The following PKD1 variants were observed in gnomAD, a reference collection of about 807,000 sequenced individuals.
PKD1 encodes polycystin-1.
In PKD1, 81 loss-of-function variants were observed where a neutral mutation model predicts 361.7. That is an observed-to-expected ratio of 0.22 (90% CI 0.19 to 0.27). The LOEUF is 0.27. Among genes scored for constraint, PKD1 ranks in the 10% least tolerant of loss-of-function variants. The probability of loss-of-function intolerance (pLI) is 1.00; values close to 1 mark genes in which losing one functional copy is unlikely to be tolerated. For synonymous variants in PKD1, 3,615 were observed against 2,818.3 expected (o/e 1.28, Z -8.95); for missense variants, 6,399 against 6,118.3 (o/e 1.05, Z -1.53).
chr16:2,128,669 C>G (rs987129800), intron 1 of PKD1, among the ~76,000 whole-genome samples: 1 of 152,176 alleles, frequency 6.6e-6, no homozygotes, highest in African/African-American at 2.4e-5. Flanking sequence ...GCGCGGAGCC[C>G]GGCGTGGCCA....
chr16:2,107,156 G>A (rs1212049414), intron 16 of PKD1: 3 of 639,312 alleles, frequency 4.7e-6, no homozygotes, highest in Admixed American at 2.1e-5. Context: ...GAGGACACTG[G>A]AGTGTGCGTT....
chr16:2,115,653 C>T, intron 9 of PKD1, 28 bp from the exon 10 acceptor site: 1 of 1,592,238 alleles, frequency 6.3e-7, no homozygotes, highest in Non-Finnish European at 8.5e-7. Context: ...TGTTGGGGCC[C>T]TGATTTGCCC....
rs779605081 is a variant in PKD1, at chr16:2,114,801, G to A, written c.2222C>T (p.Pro741Leu). ...PAPGHPGPRA[P>L]YLSANASSWL... ...TGACGAGGCGTTGGCGGAGAGGTACGGGGCCCGGGGACCAGGGTGGCCGGG... is the reference window on the plus strand; with the variant it reads ...TGACGAGGCGTTGGCGGAGAGGTACAGGGCCCGGGGACCAGGGTGGCCGGG... Residue 741 changes from proline (P) to leucine (L), a missense_variant, in exon 11 of 46, where the codon CCG becomes CTG. By Grantham distance (98) the Pro-to-Leu change is moderately conservative. Coordinates refer to ENST00000262304, the MANE Select transcript of PKD1 (RefSeq NM_001009944.3). 21 of 998,916 alleles carry A rather than the reference G, an allele frequency of 2.1e-5. No homozygotes were observed. Among genetic ancestry groups the A allele is most frequent in the East Asian group, 1.6e-4 (6 of 38,208 alleles). The allele number at this position is 998,916 out of a possible 1,614,324, so 61.9% of individuals were successfully genotyped here. A position where few individuals can be genotyped will look rare whatever the true frequency, so the allele number is the denominator to read the frequency against.
At chr16:2,107,814 G>A (rs1023120686) in intron 16 of PKD1, 69 bp downstream of exon 16, 51 of 1,467,342 alleles carry the variant, frequency 3.5e-5, no homozygotes, top group East Asian at 2.0e-4. Flanking sequence ...ACTAAAACAC[G>A]GAAAACAGTA....
rs570055768 is a variant in PKD1, at chr16:2,106,756, C to T, written c.7209+49G>A. ...CTTCTGCCTGCAGGCCCCGTCCCCT[C>T]GGCCATGGGACCCATCCCCAGCCCG... On this transcript the variant is annotated intron_variant, in intron 17 of 45. Transcript: ENST00000262304. This position sits in a 1 kb window ranked among gnomAD's most constrained non-coding sequence, Gnocchi z 6.5. The T allele has an allele frequency of 2.1e-5, 31 of 1,501,478 alleles. No homozygotes were observed. The highest frequency in any genetic ancestry group is 1.9e-4 in the Admixed American group (11 of 58,140). 93.0% of individuals were successfully genotyped at this position (1,501,478 alleles called of 1,614,324 possible).
At chr16:2,095,598 G>A (rs968025984) in intron 34 of PKD1, among the ~76,000 whole-genome samples, 27 of 152,198 alleles carry the variant, frequency 1.8e-4, no homozygotes, top group African/African-American at 4.8e-4. Flanking sequence ...AGGCTCAGGC[G>A]CAGGGAAGGC....
intron 1 of PKD1, among the ~76,000 whole-genome samples, chr16:2,124,404 C>T (rs547467347): frequency 2.0e-5 from 3 of 152,356 alleles, no homozygotes; most frequent in Non-Finnish European, 2.9e-5. Flanking sequence ...ACAGTTGGCG[C>T]GAGGGTGGGT....
At chr16:2,107,237 C>T (rs887130848) in intron 16 of PKD1, 35 of 496,536 alleles carry the variant, frequency 7.0e-5, no homozygotes, top group African/African-American at 3.3e-4. Context: ...TGGGGGGATG[C>T]GTGTGAGAAG....
chr16:2,119,055 G>A (rs1391153801), intron 3 of PKD1, 59 bp downstream of exon 3: 6 of 1,011,984 alleles, frequency 5.9e-6, no homozygotes, highest in Admixed American at 1.9e-5. Context: ...TGGGAGGGCA[G>A]AAGGGATATT....
rs369450514 is a variant in PKD1, at chr16:2,109,809, C to A, written c.5358G>T (p.Pro1786=). The change falls in exon 15 of 46, where the codon CCG becomes CCT. Residue 1786 remains proline (P), a synonymous_variant. Coordinates refer to ENST00000262304, the MANE Select transcript of PKD1 (RefSeq NM_001009944.3). Reference sequence around the variant, plus strand: ...CCACGGTGGCGTTGGCTGAGCCCAGCGGGTTCCCTGCCGTCATGGTGACCA... The same window carrying A: ...CCACGGTGGCGTTGGCTGAGCCCAGAGGGTTCCCTGCCGTCATGGTGACCA... ...LHLVTMTAGN[P]LGSANATVEV... The A allele has an allele frequency of 1.2e-6, 2 of 1,610,376 alleles. No homozygotes were observed. The highest frequency in any genetic ancestry group is 1.3e-5 in the African/African-American group (1 of 74,834).
chr16:2,123,171 C>T (rs1482462239), intron 1 of PKD1, among the ~76,000 whole-genome samples: 3 of 152,182 alleles, frequency 2.0e-5, no homozygotes, highest in African/African-American at 7.2e-5. Context: ...GCACTCCCTG[C>T]GTGCCAGGCT....
rs1320881151 is a variant in PKD1 at position 2,089,854 on chromosome 16, G to A, written c.12785C>T (p.Pro4262Leu). ...CAGTGCTGGCCGCAGGCCCGGGGATGGGCCACGGGAAGATCCGGCGGGCGC... is the reference window on the plus strand; with the variant it reads ...CAGTGCTGGCCGCAGGCCCGGGGATAGGCCACGGGAAGATCCGGCGGGCGC... Reference protein sequence around the residue: ...SRAPAGSSRGPSPGLRPALPS... With the variant: ...SRAPAGSSRGLSPGLRPALPS... Residue 4262 changes from proline (P) to leucine (L), a missense_variant, in exon 46 of 46, where the codon CCA becomes CTA. Transcript: ENST00000262304. 1.2e-6 allele frequency: 2 copies of A among 1,608,148 alleles called. No individual in the cohort carries two copies. The highest frequency in any genetic ancestry group is 1.7e-6 in the Non-Finnish European group (2 of 1,178,096).
rs761106434 is a variant in PKD1, at chr16:2,110,221, G to A, written c.4946C>T (p.Thr1649Met). 106 of 1,611,908 alleles carry A rather than the reference G, an allele frequency of 6.6e-5. No individual in the cohort carries two copies. The highest frequency in any genetic ancestry group is 8.1e-5 in the Non-Finnish European group (95 of 1,179,786). The stretch of plus-strand genomic sequence containing the variant: ...CCTAACCACGGCCTGCAGCTGTACC[G>A]TGTGGTTGGTGGGGAAGTAGCGGCC... ...GGGRYFPTNH[T>M]VQLQAVVRDG... Residue 1649 changes from threonine (T) to methionine (M), a missense_variant, in exon 15 of 46, where the codon ACG becomes ATG. Thr to Met is a moderately conservative substitution (Grantham distance 81). Transcript: ENST00000262304.
In PKD1 at chr16:2,101,613, G is replaced by A. The variant is rs142605661; in HGVS notation, c.9397+448C>T. Among the ~76,000 whole-genome samples the A allele has an allele frequency of 2.8e-3, 421 of 152,294 alleles. 4 individuals carry two copies. The highest frequency in any genetic ancestry group is 0.024 in the Middle Eastern group (7 of 294). The stretch of plus-strand genomic sequence containing the variant: ...AGCCTGGGCAACAGAGTGAGACTCC[G>A]TCTCTAAAAAAAGAAAAACGAAAAC... On this transcript the variant is annotated intron_variant, in intron 26 of 45. Coordinates refer to ENST00000262304, the MANE Select transcript of PKD1 (RefSeq NM_001009944.3).
intron 1 of PKD1, among the ~76,000 whole-genome samples, chr16:2,123,299 G>A (rs1036706988): frequency 2.0e-5 from 3 of 152,048 alleles, no homozygotes; most frequent in Non-Finnish European, 2.9e-5. Context: ...TGAAGCTGGG[G>A]CCCAGACAGG....
intron 9 of PKD1, 85 bp from the exon 10 acceptor site, chr16:2,115,710 G>T: frequency 7.5e-7 from 1 of 1,332,290 alleles, no homozygotes; most frequent in Non-Finnish European, 1.0e-6. Flanking sequence ...AGCAATCCTG[G>T]CCTTGCTGTG....
chr16:2,096,142 G>A (rs2091835987), intron 34 of PKD1, among the ~76,000 whole-genome samples: 1 of 152,260 alleles, frequency 6.6e-6, no homozygotes, highest in Non-Finnish European at 1.5e-5. Context: ...CCAGGGATGT[G>A]TTCTGAGAAA....
intron 42 of PKD1, 87 bp downstream of exon 42, chr16:2,091,336 G>GGGCGGGGCCCTGCGAA (rs1231399892): frequency 1.1e-5 from 7 of 647,382 alleles, no homozygotes; most frequent in Non-Finnish European, 1.2e-5. Flanking sequence ...GGCGCTGCGA[G>GGGCGGGGCCCTGCGAA]GGGTGAGACG....
Position 2,114,532 on chromosome 16 carries a change from G to A in PKD1, c.2491C>T (p.Pro831Ser). The part of the protein sequence containing the change: ...VAGLRVIYPA[P>S]RDGRLYVPTN... ...GGCACGTAGAGGCGGCCGTCGCGGGGGGCAGGGTAGATGACCCGCAGCCCA... is the reference window on the plus strand; with the variant it reads ...GGCACGTAGAGGCGGCCGTCGCGGGAGGCAGGGTAGATGACCCGCAGCCCA... The change falls in exon 11 of 46, where the codon CCC (proline) becomes TCC (serine). Residue 831 changes from proline to serine, a missense_variant. Physicochemically the swap from Pro to Ser is moderately conservative, Grantham distance 74 (BLOSUM62 -1). Transcript: ENST00000262304. 2 of 1,594,480 alleles carry A rather than the reference G, an allele frequency of 1.3e-6. No homozygotes were observed. Among genetic ancestry groups the A allele is most frequent in the South Asian group, 1.1e-5 (1 of 90,834 alleles).
Sources: allele counts gnomAD v4.1 joint callset (sites outside exome capture counted in the v4.1 genomes callset), GRCh38; gene constraint gnomAD v4.1.1; non-coding constraint Gnocchi (gnomAD v3.1); transcripts MANE v1.5; gene names NCBI Gene and HGNC (gene_info 2026-07-23, HGNC 2026-07-21).